ADGRV1: variants seen among roughly 807,000 people sequenced by gnomAD.
ADGRV1 encodes the protein adhesion G protein-coupled receptor V1.
Under a neutral mutation model 596.2 loss-of-function variants are expected in ADGRV1, and 359 were observed. The ratio of observed to expected loss-of-function variants is 0.60; its 90% confidence interval spans 0.55 to 0.66. The LOEUF is 0.66. Among genes scored for constraint, ADGRV1 ranks in the 30% least tolerant of loss-of-function variants. ADGRV1 has a pLI of 0.00. For synonymous variants in ADGRV1, 2,681 were observed against 2,679.2 expected, an observed-to-expected ratio of 1.00 and a Z score of -0.02; for missense variants, 7,274 against 7,575.6, an observed-to-expected ratio of 0.96 and a Z score of 1.48.
At position 90,647,574 on chromosome 5, in the gene ADGRV1, T is replaced by G. The variant is rs762318941; in HGVS notation, c.3099T>G (p.Thr1033=). 14 of 1,613,772 alleles carry G rather than the reference T, an allele frequency of 8.7e-6. No homozygotes were observed. Among genetic ancestry groups the G allele is most frequent in the Non-Finnish European group, 1.2e-5 (14 of 1,179,804 alleles). ...TVLRNGSVDV[T]CMVQYATKDG... is the part of the protein sequence containing the mutation. ...TCAGAAATGGATCTGTTGATGTGAC[T>G]TGCATGGTCCAGTATGCTACCAAGG... The change falls in exon 17 of 90, where the codon ACT becomes ACG. Residue 1033 remains threonine, a synonymous_variant. Transcript: ENST00000405460.
At chr5:90,695,420 T>G (rs556520275) in intron 33 of ADGRV1, among the ~76,000 whole-genome samples, 1 of 152,232 alleles carries the variant, frequency 6.6e-6, no homozygotes, top group East Asian at 1.9e-4. Context: ...GTGGGACAGG[T>G]ATCTTTATTG....
At chr5:90,744,036 T>C (rs867417173) in intron 50 of ADGRV1, among the ~76,000 whole-genome samples, 9 of 152,218 alleles carry the variant, frequency 5.9e-5, no homozygotes, top group Non-Finnish European at 7.4e-5. Flanking sequence ...TTGCCTAGGG[T>C]AGAGTGCAGT....
chr5:90,749,604 A>G (rs1474634320), intron 52 of ADGRV1, among the ~76,000 whole-genome samples: 2 of 152,172 alleles, frequency 1.3e-5, no homozygotes, highest in Non-Finnish European at 2.9e-5. Flanking sequence ...TAATGGGGGA[A>G]TCTCTTTTCA....
intron 74 of ADGRV1, among the ~76,000 whole-genome samples, chr5:90,815,132 A>G (rs1340670018): frequency 6.6e-6 from 1 of 152,136 alleles, no homozygotes; most frequent in East Asian, 1.9e-4. Context: ...GGGTCTTTTA[A>G]TCAAACGTCT....
At chr5:90,801,032 C>T (rs1178345639) in intron 70 of ADGRV1, among the ~76,000 whole-genome samples, 1 of 151,998 alleles carries the variant, frequency 6.6e-6, no homozygotes, top group East Asian at 1.9e-4. Flanking sequence ...AACAAAACTG[C>T]ATATTCTGCA....
At chr5:90,866,735 A>G (rs921692720) in intron 83 of ADGRV1, among the ~76,000 whole-genome samples, 12 of 152,100 alleles carry the variant, frequency 7.9e-5, no homozygotes, top group Non-Finnish European at 1.5e-4. Context: ...TACTGCTTAT[A>G]TATGTTTAAA....
chr5:90,622,714 T>A lies in ADGRV1; in HGVS notation c.558+13T>A. The A allele has an allele frequency of 9.1e-7, 1 of 1,104,340 alleles. No individual in the cohort carries two copies. The highest frequency in any genetic ancestry group is 1.3e-6 in the Non-Finnish European group (1 of 786,542). The allele number at this position is 1,104,340 out of a possible 1,614,324, so 68.4% of individuals were successfully genotyped here. The stretch of plus-strand genomic sequence containing the variant: ...GGTGACTTTTGAGGTAAGTTTACTC[T>A]GAAGTCATTTTATTTTATTTATTTT... On this transcript the variant is annotated intron_variant, in intron 5 of 89. Coordinates refer to ENST00000405460, the MANE Select transcript of ADGRV1 (RefSeq NM_032119.4).
intron 52 of ADGRV1, among the ~76,000 whole-genome samples, chr5:90,748,503 T>C (rs1026607165): frequency 2.0e-5 from 3 of 152,226 alleles, no homozygotes; most frequent in African/African-American, 4.8e-5. Flanking sequence ...TTTACACTTA[T>C]AGACTAGCTA....
intron 50 of ADGRV1, among the ~76,000 whole-genome samples, chr5:90,743,236 A>G (rs1754186907): frequency 1.3e-5 from 2 of 152,176 alleles, no homozygotes; most frequent in African/African-American, 4.8e-5. Context: ...GGCCATTTAA[A>G]ATGCAAATTT....
chr5:90,675,114 A>G (rs897298197), intron 23 of ADGRV1, 129 bp from the exon 24 acceptor site: 1 of 633,992 alleles, frequency 1.6e-6, no homozygotes, highest in Non-Finnish European at 2.7e-6. Context: ...TTGCTAAAAT[A>G]TTTTCTAAAT....
chr5:90,673,706 A>G (rs1772826041), intron 22 of ADGRV1, among the ~76,000 whole-genome samples: 2 of 152,196 alleles, frequency 1.3e-5, no homozygotes, highest in Admixed American at 1.3e-4. Context: ...TGAGGGCTCT[A>G]TCCTCAAGCC....
At chr5:90,971,101 A>G (rs1581668089) in intron 84 of ADGRV1, among the ~76,000 whole-genome samples, 2 of 152,346 alleles carry the variant, frequency 1.3e-5, no homozygotes, top group South Asian at 4.1e-4. Flanking sequence ...AAGAAAGGGT[A>G]TCAGTGATGG....
At chr5:90,721,144 A>G (rs943986859) in intron 45 of ADGRV1, 85 bp downstream of exon 45, 5 of 1,148,606 alleles carry the variant, frequency 4.4e-6, no homozygotes, top group Non-Finnish European at 4.9e-6. Flanking sequence ...TTTGAATTGT[A>G]TGTTATTGAT....
intron 80 of ADGRV1, 36 bp downstream of exon 80, chr5:90,853,569 T>A: frequency 6.3e-7 from 1 of 1,582,338 alleles, no homozygotes; most frequent in Non-Finnish European, 8.6e-7. Flanking sequence ...GTGGTTGGAA[T>A]CTGATTTATT....
intron 1 of ADGRV1, among the ~76,000 whole-genome samples, chr5:90,585,340 G>T (rs139714943): frequency 1.4e-3 from 216 of 152,258 alleles, no homozygotes; most frequent in African/African-American, 5.0e-3. Context: ...TGCCCCTCAT[G>T]TGTATCTGTG....
intron 85 of ADGRV1, among the ~76,000 whole-genome samples, chr5:91,048,846 TG>T (rs1164261263): frequency 2.0e-5 from 3 of 152,156 alleles, no homozygotes; most frequent in African/African-American, 7.2e-5. Flanking sequence ...CTTAAATAAA[TG>T]AAAGTCGCAA....
At chr5:90,740,563 C>G (rs376850285) in intron 50 of ADGRV1, among the ~76,000 whole-genome samples, 26 of 152,184 alleles carry the variant, frequency 1.7e-4, no homozygotes, top group African/African-American at 5.8e-4. Flanking sequence ...TCATTCAGAG[C>G]AATGCTGTTG....
chr5:90,835,891 G>C (rs1764928873), intron 77 of ADGRV1, among the ~76,000 whole-genome samples: 1 of 152,148 alleles, frequency 6.6e-6, no homozygotes, highest in Non-Finnish European at 1.5e-5. Flanking sequence ...TGATAAAAAG[G>C]AAAGAACTTT....
rs575769332 is a variant in ADGRV1 at position 90,576,302 on chromosome 5, C to T, written c.22+17385C>T. On this transcript the variant is annotated intron_variant, in intron 1 of 89. Transcript: ENST00000405460. ...CGACAAGCCCCAGTGTGTGATGTTC[C>T]CCGCTGTGTGTCCAGGTGTTCTCAT... 1.9e-3 allele frequency among the ~76,000 whole-genome samples: 287 copies of T among 151,262 alleles called. 1 individual carries two copies. Among genetic ancestry groups the T allele is most frequent in the African/African-American group, 6.8e-3 (279 of 41,122 alleles).
Sources: gnomAD v4.1 joint callset for allele counts (sites outside exome capture counted in the v4.1 genomes callset) on GRCh38, gnomAD v4.1.1 for gene constraint, MANE v1.5 for transcripts, NCBI Gene and HGNC (gene_info 2026-07-23, HGNC 2026-07-21) for gene names.